The following SHISA9 variants were observed in gnomAD, a reference collection of about 807,000 sequenced individuals.
SHISA9 encodes the protein protein shisa-9.
In SHISA9, 13 loss-of-function variants were observed where a neutral mutation model predicts 38.0. The observed-to-expected ratio is 0.34, with a 90% confidence interval of 0.22 to 0.54. The LOEUF is 0.54. Among genes scored for constraint, SHISA9 ranks in the 20% least tolerant of loss-of-function variants. The pLI is 0.91. For missense variants in SHISA9, 538 were observed against 575.8 expected, an observed-to-expected ratio of 0.93 and a Z score of 0.67; for synonymous variants, 275 against 242.0, an observed-to-expected ratio of 1.14 and a Z score of -1.27.
chr16:13,024,526 G>T, intron 2 of SHISA9, among the ~76,000 whole-genome samples: 1 of 152,220 alleles, frequency 6.6e-6, no homozygotes, highest in Non-Finnish European at 1.5e-5. Context: ...AAAGGATTTG[G>T]ATTCCTTACT....
rs1448318335 is a variant in SHISA9, at chr16:13,200,708, G to T, written c.692-2686G>T. Among the ~76,000 whole-genome samples, 2 of 95,012 alleles carry T rather than the reference G, an allele frequency of 2.1e-5. 1 individual carries two copies. Among genetic ancestry groups the T allele is most frequent in the African/African-American group, 9.0e-5 (2 of 22,104 alleles). 62.3% of individuals were successfully genotyped at this position (95,012 alleles called of 152,430 possible). A position where few individuals can be genotyped will look rare whatever the true frequency, so the allele number is the denominator to read the frequency against. ...ATCGCAGCTGAATCTCGGCCAAAAA[G>T]CTATCGTGGTAGAAGGATACATGCG... On this transcript the variant is annotated intron_variant, in intron 2 of 4. Transcript: ENST00000558583.
chr16:13,255,147 TTC>T, the SHISA9 span, among the ~76,000 whole-genome samples: 1 of 152,130 alleles, frequency 6.6e-6, no homozygotes, highest in East Asian at 1.9e-4. Context: ...ACACTTCCTC[TTC>T]TCTCTCTTGC....
At chr16:12,954,543 T>C (rs1014892649) in intron 2 of SHISA9, among the ~76,000 whole-genome samples, 2 of 152,216 alleles carry the variant, frequency 1.3e-5, no homozygotes, top group Admixed American at 6.5e-5. Context: ...ACACCTTCCA[T>C]GTGGCCTAGT....
chr16:13,109,176 G>A (rs2141964922), intron 2 of SHISA9, among the ~76,000 whole-genome samples: 1 of 152,188 alleles, frequency 6.6e-6, no homozygotes, highest in East Asian at 1.9e-4. Context: ...ACAGATATGT[G>A]CCATCATGCT....
At chr16:13,255,628 C>T in the SHISA9 span, among the ~76,000 whole-genome samples, 1 of 152,190 alleles carries the variant, frequency 6.6e-6, no homozygotes, top group African/African-American at 2.4e-5. Flanking sequence ...CCTTACCTTC[C>T]ACATCTAAAT....
chr16:13,098,179 C>A (rs760196972), intron 2 of SHISA9, among the ~76,000 whole-genome samples: 2 of 152,098 alleles, frequency 1.3e-5, no homozygotes. Context: ...GCATGTAAAT[C>A]CTGGGATCAG....
At chr16:13,125,411 A>G (rs1273005696) in intron 2 of SHISA9, among the ~76,000 whole-genome samples, 2 of 152,158 alleles carry the variant, frequency 1.3e-5, no homozygotes, top group African/African-American at 2.4e-5. Flanking sequence ...TTTTATTAGC[A>G]GTGTGTCTTT....
intron 2 of SHISA9, among the ~76,000 whole-genome samples, chr16:12,963,562 G>A (rs1248381106): frequency 1.3e-5 from 2 of 152,190 alleles, no homozygotes; most frequent in Non-Finnish European, 2.9e-5. Context: ...TATGTGCCAA[G>A]TGCCTTCCTA....
the SHISA9 span, among the ~76,000 whole-genome samples, chr16:13,407,098 G>A: frequency 0.024 from 1,919 of 81,590 alleles, 18 homozygotes; most frequent in African/African-American, 0.088. Flanking sequence ...AAAAAAAAAA[G>A]ACCATGACTT....
the SHISA9 span, among the ~76,000 whole-genome samples, chr16:13,324,372 G>T: frequency 1.3e-5 from 2 of 152,050 alleles, no homozygotes; most frequent in African/African-American, 2.4e-5. Flanking sequence ...TTGGTAAATA[G>T]TTACCTCCAG....
the SHISA9 span, among the ~76,000 whole-genome samples, chr16:13,373,220 G>C: frequency 6.6e-6 from 1 of 152,186 alleles, no homozygotes; most frequent in African/African-American, 2.4e-5. Context: ...GATACAAACT[G>C]TTTCAAAGGT....
chr16:12,944,503 C>A (rs1349420679), intron 2 of SHISA9, among the ~76,000 whole-genome samples: 2 of 152,098 alleles, frequency 1.3e-5, no homozygotes, highest in African/African-American at 2.4e-5. Flanking sequence ...GTTGACCTTG[C>A]ACGTTTGAAC....
the SHISA9 span, among the ~76,000 whole-genome samples, chr16:13,469,154 A>G: frequency 1.3e-5 from 2 of 151,410 alleles, no homozygotes; most frequent in Non-Finnish European, 2.9e-5. Context: ...AGGCAGGAGA[A>G]CAGCTTGAAA....
intron 2 of SHISA9, among the ~76,000 whole-genome samples, chr16:12,981,304 G>C (rs868026457): frequency 6.6e-6 from 1 of 152,232 alleles, no homozygotes. Flanking sequence ...ATCTCTGGCA[G>C]CATTTGGAGC....
chr16:13,020,732 C>G (rs1167669486), intron 2 of SHISA9, among the ~76,000 whole-genome samples: 1 of 152,212 alleles, frequency 6.6e-6, no homozygotes, highest in Non-Finnish European at 1.5e-5. Context: ...CATCCCTTCT[C>G]TTTTGCATAT....
intron 2 of SHISA9, among the ~76,000 whole-genome samples, chr16:12,950,398 C>T (rs546361224): frequency 9.9e-5 from 15 of 152,208 alleles, no homozygotes; most frequent in Middle Eastern, 3.4e-3. Context: ...GGGATTCCCC[C>T]GGGAAATGCA....
chr16:12,941,367 T>A (rs904859423), intron 2 of SHISA9, among the ~76,000 whole-genome samples: 11 of 152,042 alleles, frequency 7.2e-5, no homozygotes, highest in Non-Finnish European at 1.6e-4. Context: ...ATAATTTAAT[T>A]GTTATATTTT....
At chr16:13,359,062 A>G in the SHISA9 span, among the ~76,000 whole-genome samples, 1 of 152,202 alleles carries the variant, frequency 6.6e-6, no homozygotes, top group African/African-American at 2.4e-5. Context: ...GAGAAATGCA[A>G]TTCCCATCCG....
At chr16:13,249,104 G>A in the SHISA9 span, among the ~76,000 whole-genome samples, 4 of 152,172 alleles carry the variant, frequency 2.6e-5, no homozygotes, top group South Asian at 2.1e-4. Context: ...GAAAAGAGGT[G>A]CATGGAAACA....
Sources: gnomAD v4.1 joint callset for allele counts (sites outside exome capture counted in the v4.1 genomes callset) on GRCh38, gnomAD v4.1.1 for gene constraint, MANE v1.5 for transcripts, NCBI Gene and HGNC (gene_info 2026-07-23, HGNC 2026-07-21) for gene names.